The following PPARGC1A variants were observed in gnomAD, a reference collection of about 807,000 sequenced individuals.
The protein encoded by PPARGC1A is peroxisome proliferator-activated receptor gamma coactivator 1-alpha.
PPARGC1A carries 25 observed loss-of-function variants against 88.7 expected under a neutral mutation model. That is an observed-to-expected ratio of 0.28 (90% CI 0.21 to 0.39). The LOEUF is 0.39. Among genes scored for constraint, PPARGC1A ranks in the 10% least tolerant of loss-of-function variants. The pLI, the probability that PPARGC1A is intolerant of heterozygous loss-of-function variation, is 1.00. For missense variants in PPARGC1A, 880 were observed against 968.7 expected (o/e 0.91, Z 1.22); for synonymous variants, 363 against 355.6 (o/e 1.02, Z -0.24).
At chr4:24,202,864 G>T in the PPARGC1A span, among the ~76,000 whole-genome samples, 4 of 152,140 alleles carry the variant, frequency 2.6e-5, no homozygotes, top group African/African-American at 9.7e-5. Context: ...TGACAGCAGG[G>T]ATCCAGTGCC....
At chr4:24,427,359 C>T in the PPARGC1A span, among the ~76,000 whole-genome samples, 1 of 151,052 alleles carries the variant, frequency 6.6e-6, no homozygotes, top group African/African-American at 2.4e-5. Flanking sequence ...CAGCTCACTG[C>T]AACCTCCACC....
the PPARGC1A span, among the ~76,000 whole-genome samples, chr4:24,360,677 TGAG>T: frequency 6.6e-6 from 1 of 152,164 alleles, no homozygotes; most frequent in African/African-American, 2.4e-5. Context: ...GCACAGCAGT[TGAG>T]GTGTTGCAGA....
At position 23,795,661 on chromosome 4, in the gene PPARGC1A, G is replaced by A. The variant is rs186899559; in HGVS notation, c.*161C>T. On this transcript the variant is annotated 3_prime_UTR_variant, in exon 13 of 13. Transcript: ENST00000264867. Reference sequence around the variant, plus strand: ...CATGTAAACCATTGTTGTTATTGTTGTTGTTGTTCTTGTTGTATTGTTGTT... The same window carrying A: ...CATGTAAACCATTGTTGTTATTGTTATTGTTGTTCTTGTTGTATTGTTGTT... 272 of 565,488 alleles carry A rather than the reference G, an allele frequency of 4.8e-4. 4 individuals are homozygous for A. In the South Asian group the frequency reaches 5.4e-3, roughly 11 times the overall value. 35.0% of individuals were successfully genotyped at this position (565,488 alleles called of 1,614,324 possible).
the PPARGC1A span, among the ~76,000 whole-genome samples, chr4:24,001,603 A>C: frequency 6.6e-6 from 1 of 152,204 alleles, no homozygotes; most frequent in Non-Finnish European, 1.5e-5. Flanking sequence ...TTGTAAACTA[A>C]ATCAAGCTCA....
At chr4:23,932,001 C>T in the PPARGC1A span, among the ~76,000 whole-genome samples, 1 of 152,280 alleles carries the variant, frequency 6.6e-6, no homozygotes, top group South Asian at 2.1e-4. Context: ...ATGCTTTACA[C>T]TTGGCAAATA....
the PPARGC1A span, among the ~76,000 whole-genome samples, chr4:24,343,512 C>A: frequency 2.0e-5 from 3 of 152,158 alleles, no homozygotes; most frequent in African/African-American, 4.8e-5. Flanking sequence ...AAACATCGAA[C>A]CTGCCAGCAC....
At chr4:24,275,225 TTTAC>T in the PPARGC1A span, among the ~76,000 whole-genome samples, 114,587 of 151,276 alleles carry the variant, frequency 0.76, 43,383 homozygotes, top group East Asian at 0.85. Context: ...TTTAAATACG[TTTAC>T]TTACACACAG....
At chr4:24,446,673 T>C in the PPARGC1A span, among the ~76,000 whole-genome samples, 4 of 151,036 alleles carry the variant, frequency 2.6e-5, no homozygotes, top group Non-Finnish European at 1.5e-5. Context: ...CTTGGCTGAC[T>C]GCAACCTCCG....
the PPARGC1A span, among the ~76,000 whole-genome samples, chr4:23,977,299 A>G: frequency 6.6e-6 from 1 of 152,174 alleles, no homozygotes; most frequent in South Asian, 2.1e-4. Context: ...CACTAAAACC[A>G]TTCATATTTG....
At chr4:23,817,372 C>T (rs759370810) in intron 7 of PPARGC1A, among the ~76,000 whole-genome samples, 3 of 152,136 alleles carry the variant, frequency 2.0e-5, no homozygotes, top group Non-Finnish European at 4.4e-5. Flanking sequence ...ACACATTAGA[C>T]AGCCTGTGGC....
the PPARGC1A span, among the ~76,000 whole-genome samples, chr4:24,323,287 C>G: frequency 1.3e-5 from 2 of 152,216 alleles, no homozygotes; most frequent in African/African-American, 4.8e-5. Flanking sequence ...CACTGAATGT[C>G]AGGCCTCTGA....
chr4:23,843,486 T>G (rs568564300), intron 2 of PPARGC1A, among the ~76,000 whole-genome samples: 6 of 152,160 alleles, frequency 3.9e-5, no homozygotes, highest in African/African-American at 1.4e-4. Flanking sequence ...TGGTATATAG[T>G]GAGGATTTAT....
In PPARGC1A at chr4:23,852,959, G is replaced by T. The variant is rs183291380; in HGVS notation, c.235-21208C>A. ...AAAACTATAATGCACTTTGTCTTTT[G>T]CAGGTTAACAGGATGGTCTGCATGA... On this transcript the variant is annotated intron_variant, in intron 2 of 12. Transcript: ENST00000264867. Among the ~76,000 whole-genome samples the T allele has an allele frequency of 2.8e-3, 425 of 152,164 alleles. 2 individuals are homozygous for T. Among genetic ancestry groups the T allele is most frequent in the African/African-American group, 8.3e-3 (344 of 41,538 alleles).
chr4:23,913,291 G>T, the PPARGC1A span, among the ~76,000 whole-genome samples: 1 of 144,662 alleles, frequency 6.9e-6, no homozygotes, highest in African/African-American at 2.6e-5. Flanking sequence ...GAGAGAGAGA[G>T]AGAGAGAGAG....
chr4:24,100,939 C>A, the PPARGC1A span, among the ~76,000 whole-genome samples: 2 of 152,150 alleles, frequency 1.3e-5, no homozygotes, highest in African/African-American at 2.4e-5. Flanking sequence ...CAGGTGCAGA[C>A]CATGTATTAA....
chr4:24,322,861 T>G, the PPARGC1A span, among the ~76,000 whole-genome samples: 113 of 152,340 alleles, frequency 7.4e-4, 1 homozygote, highest in African/African-American at 2.6e-3. Flanking sequence ...ACTCTCCACT[T>G]TGGTCATGCT....
the PPARGC1A span, among the ~76,000 whole-genome samples, chr4:24,094,816 GT>G: frequency 1.1e-3 from 165 of 152,088 alleles, no homozygotes; most frequent in African/African-American, 3.7e-3. Context: ...AAAAGAATAG[GT>G]TTTTTTCTTC....
At chr4:24,290,907 T>C in the PPARGC1A span, among the ~76,000 whole-genome samples, 1 of 152,196 alleles carries the variant, frequency 6.6e-6, no homozygotes, top group Admixed American at 6.5e-5. Context: ...GATTCCTTTT[T>C]GCAAAATCCT....
chr4:24,355,254 CCTTATTAGT>C, the PPARGC1A span, among the ~76,000 whole-genome samples: 2 of 152,176 alleles, frequency 1.3e-5, no homozygotes, highest in African/African-American at 4.8e-5. Context: ...CCAGCATCCA[CCTTATTAGT>C]CAAGGGACAT....
Sources: allele counts gnomAD v4.1 joint callset (sites outside exome capture counted in the v4.1 genomes callset), GRCh38; gene constraint gnomAD v4.1.1; transcripts MANE v1.5; gene names NCBI Gene and HGNC (gene_info 2026-07-23, HGNC 2026-07-21).